CABCOCO1: variants seen among roughly 807,000 people sequenced by gnomAD.
CABCOCO1 encodes ciliary associated calcium binding coiled-coil 1.
Under a neutral mutation model 35.7 loss-of-function variants are expected in CABCOCO1, and 28 were observed. That is an observed-to-expected ratio of 0.78 (90% confidence interval 0.58 to 1.07). The LOEUF is 1.07. CABCOCO1 is among the 50% of genes least tolerant of loss of function. The probability of loss-of-function intolerance (pLI) is 0.00; values close to 1 mark genes in which losing one functional copy is unlikely to be tolerated. For synonymous variants in CABCOCO1, 95 were observed against 100.1 expected, an observed-to-expected ratio of 0.95 and a Z score of 0.30; for missense variants, 326 against 309.2, an observed-to-expected ratio of 1.05 and a Z score of -0.41.
chr10:61,760,828 A>G, intron 6 of CABCOCO1, 35 bp from the exon 7 acceptor site: 1 of 1,582,878 alleles, frequency 6.3e-7, no homozygotes, highest in Non-Finnish European at 8.6e-7. Context: ...ATGCTCTAGA[A>G]ATCACCCGAG....
intron 1 of CABCOCO1, among the ~76,000 whole-genome samples, chr10:61,669,378 C>A (rs1033836830): frequency 6.6e-6 from 1 of 151,934 alleles, no homozygotes; most frequent in Non-Finnish European, 1.5e-5. Flanking sequence ...TTAACAGTGC[C>A]ATTTAGCTTA....
At chr10:61,684,425 C>T (rs1839892830) in intron 3 of CABCOCO1, among the ~76,000 whole-genome samples, 1 of 152,206 alleles carries the variant, frequency 6.6e-6, no homozygotes, top group African/African-American at 2.4e-5. Context: ...GGGTAGAGCA[C>T]TTACACCCCA....
chr10:61,718,180 G>C (rs1481635478), intron 5 of CABCOCO1, among the ~76,000 whole-genome samples: 1 of 152,106 alleles, frequency 6.6e-6, no homozygotes, highest in African/African-American at 2.4e-5. Context: ...CTTCCTACTT[G>C]TTTTCCATAA....
At chr10:61,760,310 C>A in intron 6 of CABCOCO1, 129 bp downstream of exon 6, 2 of 1,270,900 alleles carry the variant, frequency 1.6e-6, no homozygotes, top group Non-Finnish European at 2.1e-6. Flanking sequence ...ACAAATATTT[C>A]TCTAAGTGTT....
intron 5 of CABCOCO1, among the ~76,000 whole-genome samples, chr10:61,721,139 TG>T (rs1841009244): frequency 6.6e-6 from 1 of 151,818 alleles, no homozygotes; most frequent in African/African-American, 2.4e-5. Context: ...TTAGCCAGGA[TG>T]GTCTCGATCT....
intron 1 of CABCOCO1, among the ~76,000 whole-genome samples, chr10:61,665,012 A>T (rs777168957): frequency 2.0e-5 from 3 of 152,230 alleles, no homozygotes; most frequent in Non-Finnish European, 4.4e-5. Context: ...CTTAGCCAGT[A>T]GCCCATGTAG....
intron 5 of CABCOCO1, among the ~76,000 whole-genome samples, chr10:61,696,775 G>A (rs1840307379): frequency 6.6e-6 from 1 of 151,872 alleles, no homozygotes; most frequent in African/African-American, 2.4e-5. Context: ...TAAAGTGCTG[G>A]GATTACAGGT....
At chr10:61,668,486 G>A (rs1195736132) in intron 1 of CABCOCO1, among the ~76,000 whole-genome samples, 3 of 151,862 alleles carry the variant, frequency 2.0e-5, no homozygotes, top group East Asian at 1.9e-4. Context: ...GCAGACTTCC[G>A]GTTTAGTTCA....
intron 5 of CABCOCO1, among the ~76,000 whole-genome samples, chr10:61,755,912 C>T (rs2132086727): frequency 6.6e-6 from 1 of 152,036 alleles, no homozygotes; most frequent in South Asian, 2.1e-4. Context: ...AGTCTAATTC[C>T]TATAAGCATG....
At chr10:61,698,301 C>T (rs1840347972) in intron 5 of CABCOCO1, among the ~76,000 whole-genome samples, 1 of 152,132 alleles carries the variant, frequency 6.6e-6, no homozygotes. Flanking sequence ...GCAGCATGGG[C>T]ATTTTCACAT....
At chr10:61,686,263 GT>G in intron 4 of CABCOCO1, 78 bp downstream of exon 4, 2 of 1,245,828 alleles carry the variant, frequency 1.6e-6, no homozygotes, top group Non-Finnish European at 2.2e-6. Flanking sequence ...AAGTAATTCA[GT>G]TTTTAGCAGA....
At chr10:61,687,470 A>G (rs1840001342) in intron 4 of CABCOCO1, among the ~76,000 whole-genome samples, 1 of 152,174 alleles carries the variant, frequency 6.6e-6, no homozygotes, top group Non-Finnish European at 1.5e-5. Flanking sequence ...CTCTTGCAGA[A>G]CACATTTTTA....
At chr10:61,726,596 T>C (rs906698312) in intron 5 of CABCOCO1, among the ~76,000 whole-genome samples, 5 of 152,024 alleles carry the variant, frequency 3.3e-5, no homozygotes, top group African/African-American at 1.2e-4. Context: ...TTTTTATGAA[T>C]AAAAAGCAAT....
intron 5 of CABCOCO1, among the ~76,000 whole-genome samples, chr10:61,726,760 G>T (rs576167100): frequency 6.6e-6 from 1 of 151,932 alleles, no homozygotes; most frequent in South Asian, 2.1e-4. Context: ...TATGGCACTT[G>T]TATAAATTAT....
intron 7 of CABCOCO1, among the ~76,000 whole-genome samples, chr10:61,764,685 AT>A (rs1206830864): frequency 6.6e-6 from 1 of 152,086 alleles, no homozygotes; most frequent in Non-Finnish European, 1.5e-5. Context: ...GGACCGCTCC[AT>A]CCCTCCTTGC....
chr10:61,764,032 A>G (rs1842060381), intron 7 of CABCOCO1, among the ~76,000 whole-genome samples: 1 of 152,028 alleles, frequency 6.6e-6, no homozygotes. Context: ...CCCCTTCATG[A>G]ACCTTTTCCC....
At chr10:61,760,246 A>G in intron 6 of CABCOCO1, 65 bp downstream of exon 6, 1 of 1,528,612 alleles carries the variant, frequency 6.5e-7, no homozygotes, top group South Asian at 1.2e-5. Flanking sequence ...GGTGGGAGGA[A>G]ACGAACTAAA....
Position 61,760,084 on chromosome 10 carries a change from CA to C in CABCOCO1, c.579del (p.Cys194ValfsTer21), listed in dbSNP as rs1841976186. On this transcript the variant is annotated frameshift_variant, in exon 6 of 8. Coordinates refer to ENST00000648843, the MANE Select transcript of CABCOCO1 (RefSeq NM_001366906.2). LOFTEE classifies it high-confidence loss of function. ...TEQVIEVVKS[A>X]CGPFPNPLEE... ...CAAGTGATAGAGGTTGTCAAGTCTG[CA>C]TGTGGCCCTTTCCCAAATCCTCTGG... 6.2e-7 allele frequency: 1 copy of C among 1,612,844 alleles called. No individual in the cohort carries two copies. Among genetic ancestry groups the C allele is most frequent in the Non-Finnish European group, 8.5e-7 (1 of 1,179,208 alleles).
chr10:61,699,805 C>G (rs1385227347), intron 5 of CABCOCO1, among the ~76,000 whole-genome samples: 1 of 152,122 alleles, frequency 6.6e-6, no homozygotes, highest in Non-Finnish European at 1.5e-5. Context: ...AAAGTGATAT[C>G]TCAAGCAACC....
Sources: allele counts gnomAD v4.1 joint callset (sites outside exome capture counted in the v4.1 genomes callset), GRCh38; gene constraint gnomAD v4.1.1; transcripts MANE v1.5; gene names NCBI Gene and HGNC (gene_info 2026-07-23, HGNC 2026-07-21).